Variants in FBXL2 observed in about 807,000 individuals in gnomAD.
FBXL2 encodes F-box and leucine rich repeat protein 2, also known as F-box/LRR-repeat protein 2.
Under a neutral mutation model 69.2 loss-of-function variants are expected in FBXL2, and 38 were observed. The ratio of observed to expected loss-of-function variants is 0.55; its 90% confidence interval spans 0.42 to 0.72. The LOEUF is 0.72. Among genes scored for constraint, FBXL2 ranks in the 30% least tolerant of loss-of-function variants. The pLI is 0.00. For synonymous variants in FBXL2, 192 were observed against 201.3 expected (o/e 0.95, Z 0.39); for missense variants, 354 against 520.3 (o/e 0.68, Z 3.11).
intron 2 of FBXL2, among the ~76,000 whole-genome samples, chr3:33,351,416 A>G (rs2040822121): frequency 6.6e-6 from 1 of 152,246 alleles, no homozygotes; most frequent in Admixed American, 6.5e-5. Context: ...TACTGTTTAC[A>G]TTAGCATCAA....
chr3:33,288,312 C>T (rs972412794), intron 1 of FBXL2, among the ~76,000 whole-genome samples: 2 of 152,202 alleles, frequency 1.3e-5, no homozygotes, highest in Admixed American at 6.5e-5. Flanking sequence ...GTGCTAGTGA[C>T]TGTTCTAGTC....
At chr3:33,390,486 G>T, downstream of FBXL2, 1 of 1,049,634 alleles carries the variant, frequency 9.5e-7, no homozygotes, top group East Asian at 2.5e-5. Flanking sequence ...ACCTTTAAAT[G>T]ATTCTAGAGA....
chr3:33,402,369 T>C (rs2044261018), intron 12 of FBXL2, among the ~76,000 whole-genome samples: 1 of 152,130 alleles, frequency 6.6e-6, no homozygotes, highest in African/African-American at 2.4e-5. Context: ...AAAGATTTAA[T>C]TAAAAAAATA....
chr3:33,399,680 T>G (rs2044147384), intron 12 of FBXL2, among the ~76,000 whole-genome samples: 1 of 152,216 alleles, frequency 6.6e-6, no homozygotes, highest in Admixed American at 6.5e-5. Flanking sequence ...TCCGAAGGGG[T>G]AGCAGGAGGG....
At chr3:33,409,724 C>T in the FBXL2 span, 1 of 1,218,142 alleles carries the variant, frequency 8.2e-7, no homozygotes, top group South Asian at 1.4e-5. Context: ...AAACTCATCA[C>T]ACATATTAGC....
At chr3:33,343,074 G>T (rs1416172544) in intron 2 of FBXL2, among the ~76,000 whole-genome samples, 13 of 150,670 alleles carry the variant, frequency 8.6e-5, no homozygotes, top group Non-Finnish European at 1.6e-4. Context: ...TCAGCCATCT[G>T]TTTTTTTTGC....
intron 2 of FBXL2, among the ~76,000 whole-genome samples, chr3:33,351,821 C>T (rs1213249590): frequency 3.9e-5 from 6 of 151,950 alleles, no homozygotes; most frequent in Admixed American, 2.0e-4. Context: ...TGTGGATGTT[C>T]GTAAAACCTG....
chr3:33,295,771 A>C (rs937493546), intron 1 of FBXL2, among the ~76,000 whole-genome samples: 2 of 152,190 alleles, frequency 1.3e-5, no homozygotes, highest in Non-Finnish European at 2.9e-5. Flanking sequence ...TATTTTAGCC[A>C]ATCCTATGGG....
At chr3:33,401,642 T>C (rs1383506991) in intron 12 of FBXL2, among the ~76,000 whole-genome samples, 2 of 152,174 alleles carry the variant, frequency 1.3e-5, no homozygotes, top group African/African-American at 4.8e-5. Context: ...CTCAATTGCT[T>C]AGGTTTATTA....
At chr3:33,339,980 G>A (rs546412416) in intron 2 of FBXL2, among the ~76,000 whole-genome samples, 4 of 152,290 alleles carry the variant, frequency 2.6e-5, no homozygotes, top group African/African-American at 9.6e-5. Context: ...GCAACAGCAT[G>A]GACAAATTTC....
intron 2 of FBXL2, among the ~76,000 whole-genome samples, chr3:33,328,772 C>G (rs192192405): frequency 6.6e-6 from 1 of 150,682 alleles, no homozygotes. Flanking sequence ...CACTCCAGGA[C>G]GTTGGTTTGG....
intron 1 of FBXL2, among the ~76,000 whole-genome samples, chr3:33,280,522 A>T (rs1280812125): frequency 6.6e-6 from 1 of 152,112 alleles, no homozygotes; most frequent in Non-Finnish European, 1.5e-5. Context: ...CAGTCTGGGC[A>T]ACATGGTGAG....
At chr3:33,346,500 A>G (rs780668397) in intron 2 of FBXL2, among the ~76,000 whole-genome samples, 4 of 152,116 alleles carry the variant, frequency 2.6e-5, no homozygotes, top group Admixed American at 6.6e-5. Context: ...TCAAGGTTAC[A>G]GTGAGCTATG....
intron 12 of FBXL2, chr3:33,400,134 A>G: frequency 8.3e-7 from 1 of 1,197,764 alleles, no homozygotes. Context: ...TAATAAAAGC[A>G]CAGAAACAAA....
intron 2 of FBXL2, among the ~76,000 whole-genome samples, chr3:33,324,728 G>A (rs13325378): frequency 0.027 from 4,056 of 152,040 alleles, 158 homozygotes; most frequent in African/African-American, 0.089. Context: ...GTTTGAAGTC[G>A]GGTAGTGTGA....
intron 1 of FBXL2, among the ~76,000 whole-genome samples, chr3:33,293,631 T>G (rs1355788038): frequency 1.4e-5 from 2 of 147,792 alleles, no homozygotes; most frequent in Non-Finnish European, 3.0e-5. Context: ...CTATTCTAAT[T>G]GCTAGAAAGT....
At chr3:33,399,378 C>CT (rs762326464) in intron 12 of FBXL2, among the ~76,000 whole-genome samples, 125 of 152,202 alleles carry the variant, frequency 8.2e-4, no homozygotes, top group Middle Eastern at 3.4e-3. Context: ...AAAATTCCTT[C>CT]TTAACATTCC....
At chr3:33,308,406 A>G (rs926828204) in intron 2 of FBXL2, among the ~76,000 whole-genome samples, 2 of 152,152 alleles carry the variant, frequency 1.3e-5, no homozygotes, top group Non-Finnish European at 2.9e-5. Context: ...CATATGAGAA[A>G]CTCATAATTT....
At chr3:33,281,433 C>T (rs1446018875) in intron 1 of FBXL2, among the ~76,000 whole-genome samples, 2 of 152,108 alleles carry the variant, frequency 1.3e-5, no homozygotes, top group Non-Finnish European at 2.9e-5. Context: ...TTTTCTTAAT[C>T]CAGTCTATCA....
Sources: allele counts gnomAD v4.1 joint callset (sites outside exome capture counted in the v4.1 genomes callset), GRCh38; gene constraint gnomAD v4.1.1; transcripts MANE v1.5; gene names NCBI Gene and HGNC (gene_info 2026-07-23, HGNC 2026-07-21).